SYCP3: variants seen among roughly 807,000 people sequenced by gnomAD.
The protein encoded by SYCP3 is synaptonemal complex protein 3.
Under a neutral mutation model 38.5 loss-of-function variants are expected in SYCP3, and 29 were observed. The ratio of observed to expected loss-of-function variants is 0.75; its 90% CI spans 0.56 to 1.03. The LOEUF (loss-of-function observed/expected upper bound fraction) is 1.03. SYCP3 is among the 50% of genes least tolerant of loss of function. SYCP3 has a pLI of 0.00. For missense variants in SYCP3, 242 were observed against 270.7 expected (o/e 0.89, Z 0.74); for synonymous variants, 79 against 80.3 (o/e 0.98, Z 0.08).
At chr12:101,735,871 A>ATATATATATATATATGTATTTTTTTTTTT in intron 4 of SYCP3, among the ~76,000 whole-genome samples, 1 of 74,790 alleles carries the variant, frequency 1.3e-5, no homozygotes. Flanking sequence ...ATATATATAT[A>ATATATATATATATATGTATTTTTTTTTTT]TTTTTTTTTT....
chr12:101,729,908 T>C (rs145460437), intron 7 of SYCP3, among the ~76,000 whole-genome samples: 45 of 152,080 alleles, frequency 3.0e-4, no homozygotes, highest in Non-Finnish European at 4.7e-4. Context: ...GAGTTAAATA[T>C]ATTCTAGGGG....
intron 5 of SYCP3, 84 bp downstream of exon 5, chr12:101,734,843 G>A (rs995438826): frequency 2.1e-5 from 21 of 979,708 alleles, no homozygotes; most frequent in Non-Finnish European, 2.6e-5. Context: ...CCACCGTGCC[G>A]ATCCTAGAAT....
At chr12:101,732,065 C>A (rs1240541021) in intron 6 of SYCP3, 4 of 187,348 alleles carry the variant, frequency 2.1e-5, no homozygotes, top group Admixed American at 1.7e-4. Flanking sequence ...AACCACTACA[C>A]AGTATTAGTA....
At chr12:101,735,888 G>T (rs1204946036) in intron 4 of SYCP3, among the ~76,000 whole-genome samples, 1,434 of 57,184 alleles carry the variant, frequency 0.025, 70 homozygotes, top group African/African-American at 0.11. Context: ...TTTTTTTAAA[G>T]ACACGGGGGT....
chr12:101,738,239 CATG>C (rs1952540687), intron 1 of SYCP3, among the ~76,000 whole-genome samples: 2 of 150,968 alleles, frequency 1.3e-5, no homozygotes, highest in South Asian at 2.1e-4. Flanking sequence ...GCCTGGCCAA[CATG>C]ATGAAACCCC....
chr12:101,729,838 A>C (rs1338510041), intron 7 of SYCP3, among the ~76,000 whole-genome samples: 1 of 152,224 alleles, frequency 6.6e-6, no homozygotes, highest in East Asian at 1.9e-4. Flanking sequence ...ATAGTGGAAA[A>C]TGGGGATTAA....
In SYCP3 at chr12:101,735,872, T is replaced by TA. The variant is rs200896843; in HGVS notation, c.236-829_236-828insT. 0.02 allele frequency among the ~76,000 whole-genome samples: 1,374 copies of TA among 69,444 alleles called. 79 individuals are homozygous for TA. The East Asian group carries it at 0.23, about 11-fold the overall frequency. 45.6% of individuals were successfully genotyped at this position (69,444 alleles called of 152,430 possible). A position where few individuals can be genotyped will look rare whatever the true frequency, so the allele number is the denominator to read the frequency against. ...AATTTTATATATATATATATATATA[T>TA]TTTTTTTTTTTTAAAGACACGGGGG... On this transcript the variant is annotated intron_variant, in intron 4 of 8. Transcript: ENST00000392924.
In SYCP3 at chr12:101,737,224, C is replaced by A. The variant is rs769638988; in HGVS notation, c.200+8G>T. The A allele has an allele frequency of 1.9e-6, 3 of 1,612,440 alleles. No individual in the cohort carries two copies. The Admixed American group carries it at 5.0e-5, about 27-fold the overall frequency. ...TCTAAGAAACAAAAATTATTTTGAA[C>A]ACGTTACCCCATATCTTCAACTACT... is the stretch of plus-strand genomic sequence containing the variant. On this transcript the variant is annotated splice_region_variant and intron_variant, in intron 3 of 8. Coordinates refer to ENST00000392924, the MANE Select transcript of SYCP3 (RefSeq NM_001177949.2).
chr12:101,739,112 G>T (rs1411885884), intron 1 of SYCP3, among the ~76,000 whole-genome samples: 2 of 152,174 alleles, frequency 1.3e-5, no homozygotes, highest in Admixed American at 1.3e-4. Flanking sequence ...GGCCCTGCCC[G>T]GCCCCGCCGC....
rs201464098 is a variant in SYCP3 at position 101,733,777 on chromosome 12, T to TA, written c.354-104dup. On this transcript the variant is annotated intron_variant, in intron 5 of 8. Coordinates refer to ENST00000392924, the MANE Select transcript of SYCP3 (RefSeq NM_001177949.2). ...AGTTATACTATATAAGAAAAGGAAA[T>TA]ACCTGCAGCTTAAGTCTTCTGATGG... is the stretch of plus-strand genomic sequence containing the variant. 861 of 1,011,790 alleles carry TA rather than the reference T, an allele frequency of 8.5e-4. 4 individuals are homozygous for TA. The African/African-American group carries it at 0.013, about 15-fold the overall frequency. The allele number at this position is 1,011,790 out of a possible 1,614,324, so 62.7% of individuals were successfully genotyped here. A position where few individuals can be genotyped will look rare whatever the true frequency, so the allele number is the denominator to read the frequency against.
intron 7 of SYCP3, 89 bp from the exon 8 acceptor site, chr12:101,729,302 T>C: frequency 8.1e-7 from 1 of 1,242,200 alleles, no homozygotes; most frequent in Non-Finnish European, 1.1e-6. Flanking sequence ...AAAGTAGTAA[T>C]TTTTGAATAT....
chr12:101,731,881 C>T (rs748283792), intron 6 of SYCP3: 42 of 399,460 alleles, frequency 1.1e-4, no homozygotes, highest in Non-Finnish European at 1.7e-4. Context: ...GAAATTTTAA[C>T]AATAATCAAG....
rs587776620 is a variant in SYCP3 at position 101,729,230 on chromosome 12, CAAGT to C, written c.553-21_553-18del. 3 of 1,611,244 alleles carry C rather than the reference CAAGT, an allele frequency of 1.9e-6. No homozygotes were observed. The East Asian group carries it at 6.7e-5, about 36-fold the overall frequency. On this transcript the variant is annotated intron_variant, in intron 7 of 8. Coordinates refer to ENST00000392924, the MANE Select transcript of SYCP3 (RefSeq NM_001177949.2). ...TTCCATACTCTAAAAACACAAAAGA[CAAGT>C]TAAGTTACAAAGGACCACTTTTCAT...
chr12:101,728,794 G>A lies in SYCP3; in HGVS notation c.*133C>T. On this transcript the variant is annotated 3_prime_UTR_variant, in exon 9 of 9. Transcript: ENST00000392924. ...TTAGATTTGACTTAACAGAAAGGGAGGTCTTACAATGAAACAGGTTTATGA... is the reference window on the plus strand; with the variant it reads ...TTAGATTTGACTTAACAGAAAGGGAAGTCTTACAATGAAACAGGTTTATGA... The A allele has an allele frequency of 3.9e-6, 5 of 1,274,312 alleles. No individual in the cohort carries two copies. Among genetic ancestry groups the A allele is most frequent in the Non-Finnish European group, 5.5e-6 (5 of 903,688 alleles). The allele number at this position is 1,274,312 out of a possible 1,614,324, so 78.9% of individuals were successfully genotyped here. A position where few individuals can be genotyped will look rare whatever the true frequency, so the allele number is the denominator to read the frequency against.
intron 7 of SYCP3, among the ~76,000 whole-genome samples, chr12:101,730,024 G>A (rs768559265): frequency 6.1e-4 from 93 of 152,244 alleles, no homozygotes; most frequent in Non-Finnish European, 7.3e-4. Context: ...TAAAAAGAGG[G>A]TCATGTCATA....
rs753657430 is a variant in SYCP3 at position 101,737,900 on chromosome 12, A to G, written c.36T>C (p.Ser12=). The G allele has an allele frequency of 3.7e-6, 6 of 1,614,060 alleles. No individual in the cohort carries two copies. The East Asian group carries it at 1.1e-4, about 30-fold the overall frequency. ...VSSGKKYSRK[S]GKPSVEDQFT... is the part of the protein sequence containing the mutation. ...ACTGATCTTCCACAGACGGCTTCCC[A>G]GATTTCCTGGAATACTTTTTTCCGG... The change falls in exon 2 of 9, where the codon TCT becomes TCC. Residue 12 remains serine (S), a synonymous_variant. Transcript: ENST00000392924.
intron 1 of SYCP3, 93 bp from the exon 2 acceptor site, chr12:101,738,045 A>G: frequency 7.0e-7 from 1 of 1,418,552 alleles, no homozygotes; most frequent in Non-Finnish European, 9.8e-7. Context: ...ATATCGAACA[A>G]GGATTGTTGA....
chr12:101,738,236 CA>C (rs1952540447), intron 1 of SYCP3, among the ~76,000 whole-genome samples: 2 of 150,686 alleles, frequency 1.3e-5, no homozygotes, highest in Non-Finnish European at 3.0e-5. Context: ...CCAGCCTGGC[CA>C]ACATGATGAA....
Position 101,729,118 on chromosome 12 carries a change from CATA to C in SYCP3, c.645_647del (p.Ile215del). The C allele has an allele frequency of 1.9e-6, 3 of 1,610,058 alleles. No individual in the cohort carries two copies. Among genetic ancestry groups the C allele is most frequent in the African/African-American group, 1.3e-5 (1 of 74,898 alleles). On this transcript the variant is annotated inframe_deletion, in exon 8 of 9. Coordinates refer to ENST00000392924, the MANE Select transcript of SYCP3 (RefSeq NM_001177949.2). ...CAATATGATCACTTACAGTTTCCAT[CATA>C]ATTTTTTTTTGCAACATAGCCATTT...
Sources: gnomAD v4.1 joint callset for allele counts (sites outside exome capture counted in the v4.1 genomes callset) on GRCh38, gnomAD v4.1.1 for gene constraint, MANE v1.5 for transcripts, NCBI Gene and HGNC (gene_info 2026-07-23, HGNC 2026-07-21) for gene names.